Variants in SUFU observed in about 807,000 individuals in gnomAD.
SUFU encodes the protein SUFU negative regulator of hedgehog signaling, also known as suppressor of fused homolog.
SUFU carries 7 observed loss-of-function variants against 58.9 expected under a neutral mutation model. The observed-to-expected ratio is 0.12, with a 90% confidence interval of 0.07 to 0.22. The LOEUF (loss-of-function observed/expected upper bound fraction) is 0.22, where lower values mean the gene tolerates loss of function less well. Ranked by LOEUF, SUFU falls within the 10% of genes least tolerant of loss-of-function variation. The pLI is 1.00. For synonymous variants in SUFU, 232 were observed against 254.8 expected (o/e 0.91, Z 0.85); for missense variants, 451 against 641.3 (o/e 0.70, Z 3.20).
chr10:102,518,253 A>G (rs769906619), intron 2 of SUFU, among the ~76,000 whole-genome samples: 2 of 152,166 alleles, frequency 1.3e-5, no homozygotes, highest in Non-Finnish European at 2.9e-5. Context: ...AGATGCAGAA[A>G]TGTTAAGGAA....
At chr10:102,580,680 A>G (rs930991924) in intron 3 of SUFU, among the ~76,000 whole-genome samples, 1 of 151,984 alleles carries the variant, frequency 6.6e-6, no homozygotes, top group Non-Finnish European at 1.5e-5. Context: ...TGCCTGGAGG[A>G]GGCTCTGTGT....
At chr10:102,589,940 G>A (rs61871136) in intron 3 of SUFU, among the ~76,000 whole-genome samples, 1,525 of 151,726 alleles carry the variant, frequency 0.01, 19 homozygotes, top group Middle Eastern at 0.021. Context: ...AGATGAGGAA[G>A]TTCCATCTAT....
chr10:102,558,257 C>T (rs2063001475), intron 3 of SUFU, among the ~76,000 whole-genome samples: 1 of 152,102 alleles, frequency 6.6e-6, no homozygotes. Context: ...AGACTAGAGG[C>T]TAGAGTACCA....
intron 2 of SUFU, among the ~76,000 whole-genome samples, chr10:102,514,224 A>G (rs2062437279): frequency 6.6e-6 from 1 of 152,026 alleles, no homozygotes; most frequent in Non-Finnish European, 1.5e-5. Flanking sequence ...ACCTCCTCCT[A>G]TTATGATCTT....
At chr10:102,511,232 C>A (rs542142222) in intron 2 of SUFU, among the ~76,000 whole-genome samples, 7 of 150,848 alleles carry the variant, frequency 4.6e-5, no homozygotes, top group African/African-American at 1.5e-4. Flanking sequence ...TAAATGTAAT[C>A]TTTCTATGTT....
At chr10:102,615,901 A>AGT (rs2063681991) in intron 9 of SUFU, among the ~76,000 whole-genome samples, 1 of 152,082 alleles carries the variant, frequency 6.6e-6, no homozygotes, top group South Asian at 2.1e-4. Flanking sequence ...CAAGTTCTGG[A>AGT]GTCAGAATCC....
intron 2 of SUFU, among the ~76,000 whole-genome samples, chr10:102,549,286 A>T (rs1437512287): frequency 8.5e-5 from 13 of 152,230 alleles, no homozygotes; most frequent in Admixed American, 8.5e-4. Context: ...GACTGGGAAG[A>T]CCTCAGGAAA....
At chr10:102,516,677 A>G (rs577114133) in intron 2 of SUFU, among the ~76,000 whole-genome samples, 140 of 151,906 alleles carry the variant, frequency 9.2e-4, no homozygotes, top group Non-Finnish European at 1.1e-3. Flanking sequence ...CCTCCCAAGT[A>G]GCTGGGATTA....
At chr10:102,562,987 G>T (rs1019224449) in intron 3 of SUFU, among the ~76,000 whole-genome samples, 2 of 152,184 alleles carry the variant, frequency 1.3e-5, no homozygotes, top group African/African-American at 4.8e-5. Context: ...GGAAGATACT[G>T]GTTCATATTG....
chr10:102,570,159 C>T (rs968043711), intron 3 of SUFU, among the ~76,000 whole-genome samples: 7 of 151,972 alleles, frequency 4.6e-5, no homozygotes, highest in African/African-American at 9.7e-5. Flanking sequence ...CTGGCCCAGG[C>T]GCTTGTAGAG....
Position 102,617,724 on chromosome 10 carries a change from G to A in SUFU, c.1296+296G>A. The A allele has an allele frequency of 1.4e-5, 8 of 586,488 alleles. No homozygotes were observed. Among genetic ancestry groups the A allele is most frequent in the Non-Finnish European group, 2.4e-5 (8 of 328,902 alleles). The allele number at this position is 586,488 out of a possible 1,614,324, so 36.3% of individuals were successfully genotyped here. ...TCCCCGTGGAAATCCAGGTTGGAGG[G>A]ATATAAGACTTTCTGCACCTTGGGT... On this transcript the variant is annotated intron_variant, in intron 10 of 11. Transcript: ENST00000369902. The surrounding 1 kb of genome is among the most constrained non-coding windows in gnomAD (Gnocchi z 4.4).
At chr10:102,600,161 G>A (rs1331997288) in intron 8 of SUFU, among the ~76,000 whole-genome samples, 1 of 152,328 alleles carries the variant, frequency 6.6e-6, no homozygotes, top group East Asian at 1.9e-4. Flanking sequence ...CTGATAGAGG[G>A]GATGAGTGAT....
At chr10:102,510,947 C>A (rs1372143360) in intron 2 of SUFU, among the ~76,000 whole-genome samples, 1 of 151,496 alleles carries the variant, frequency 6.6e-6, no homozygotes, top group Non-Finnish European at 1.5e-5. Flanking sequence ...ATGGAGAAAC[C>A]CTGTCTCTAC....
At chr10:102,515,915 C>G (rs1203641579) in intron 2 of SUFU, among the ~76,000 whole-genome samples, 2 of 152,084 alleles carry the variant, frequency 1.3e-5, no homozygotes, top group Non-Finnish European at 2.9e-5. Context: ...TGGTGGAGTT[C>G]CCTGCTAAGA....
intron 3 of SUFU, among the ~76,000 whole-genome samples, chr10:102,575,066 A>G (rs1160610111): frequency 6.6e-6 from 1 of 151,650 alleles, no homozygotes. Context: ...AAAAAAAAAA[A>G]AAAATTAGGC....
intron 10 of SUFU, among the ~76,000 whole-genome samples, chr10:102,624,752 A>T (rs2063771302): frequency 6.6e-6 from 1 of 152,196 alleles, no homozygotes; most frequent in Non-Finnish European, 1.5e-5. Flanking sequence ...TGTCAGGGGA[A>T]CCAGCTTAGA....
At chr10:102,588,500 C>T (rs553783795) in intron 3 of SUFU, among the ~76,000 whole-genome samples, 25 of 152,178 alleles carry the variant, frequency 1.6e-4, no homozygotes, top group Middle Eastern at 3.4e-3. Context: ...ATGCCAGTGC[C>T]GCACTGACTT....
chr10:102,602,877 T>C (rs866468607), intron 8 of SUFU, among the ~76,000 whole-genome samples: 2 of 152,172 alleles, frequency 1.3e-5, no homozygotes, highest in Admixed American at 6.5e-5. Context: ...TTTCCCAAGA[T>C]GATCAGTTGA....
chr10:102,607,953 C>T (rs920900483), intron 8 of SUFU, among the ~76,000 whole-genome samples: 9 of 150,432 alleles, frequency 6.0e-5, no homozygotes, highest in African/African-American at 9.8e-5. Flanking sequence ...AAGGAAACAC[C>T]GGGGAAAGTT....
Sources: allele counts gnomAD v4.1 joint callset (sites outside exome capture counted in the v4.1 genomes callset), GRCh38; gene constraint gnomAD v4.1.1; non-coding constraint Gnocchi (gnomAD v3.1); transcripts MANE v1.5; gene names NCBI Gene and HGNC (gene_info 2026-07-23, HGNC 2026-07-21).